The following CA4 variants were observed in gnomAD, a reference collection of about 807,000 sequenced individuals.
CA4 encodes CA-IV.
In CA4, 24 loss-of-function variants were observed where a neutral mutation model predicts 34.5. The ratio of observed to expected loss-of-function variants is 0.70; its 90% CI spans 0.50 to 0.98. The LOEUF (loss-of-function observed/expected upper bound fraction) is 0.98, where lower values mean the gene tolerates loss of function less well. CA4 is among the 50% of genes least tolerant of loss of function. The probability of loss-of-function intolerance (pLI) is 0.00; values close to 1 mark genes in which losing one functional copy is unlikely to be tolerated. For missense variants in CA4, 394 were observed against 396.7 expected (o/e 0.99, Z 0.06); for synonymous variants, 178 against 170.6 (o/e 1.04, Z -0.34).
At chr17:60,170,612 A>G (rs1181939887) in exon 6 of CA4, 1 of 152,186 alleles carries the variant, frequency 6.6e-6, no homozygotes, top group Non-Finnish European at 1.5e-5. Flanking sequence ...ACTCTCCATC[A>G]AGAGGCCTGC....
downstream of CA4, among the ~76,000 whole-genome samples, chr17:60,175,668 CAAA>C (rs150949660): frequency 1.7e-3 from 138 of 81,530 alleles, 1 homozygote; most frequent in African/African-American, 4.8e-3. Flanking sequence ...AACTCCGTCT[CAAA>C]AAAAAAAAAA....
chr17:60,175,189 A>ATTTTTTTTTTTTTTTTTTTTT (rs555031745), downstream of CA4, among the ~76,000 whole-genome samples: 2 of 107,646 alleles, frequency 1.9e-5, no homozygotes, highest in Admixed American at 8.8e-5. Flanking sequence ...CACCCAGCTG[A>ATTTTTTTTTTTTTTTTTTTTT]TTTTTTTTTT....
At position 60,159,440 on chromosome 17, in the gene CA4, C is replaced by A; in HGVS notation, c.*16C>A. On this transcript the variant is annotated 3_prime_UTR_variant, in exon 8 of 8. Transcript: ENST00000300900. ...CCTGCGATGATGGCTCACTTCTGCACGCAGCCTCTCTGTTGCCTCAGCTCT... is the reference window on the plus strand; with the variant it reads ...CCTGCGATGATGGCTCACTTCTGCAAGCAGCCTCTCTGTTGCCTCAGCTCT... The A allele has an allele frequency of 6.2e-7, 1 of 1,608,740 alleles. No homozygotes were observed. The highest frequency in any genetic ancestry group is 1.1e-5 in the South Asian group (1 of 90,686).
At chr17:60,169,774 C>A (rs1318578311) in intron 5 of CA4, among the ~76,000 whole-genome samples, 1 of 152,228 alleles carries the variant, frequency 6.6e-6, no homozygotes, top group East Asian at 1.9e-4. Context: ...CAGGCGTGAG[C>A]CACTGCCCCC....
At chr17:60,173,558 A>G (rs1567739400), downstream of CA4, among the ~76,000 whole-genome samples, 1 of 152,336 alleles carries the variant, frequency 6.6e-6, no homozygotes, top group South Asian at 2.1e-4. Context: ...TCAGCACTTC[A>G]TCAGAGGCAA....
downstream of CA4, among the ~76,000 whole-genome samples, chr17:60,161,794 GT>G: frequency 6.6e-6 from 1 of 152,128 alleles, no homozygotes; most frequent in Non-Finnish European, 1.5e-5. Context: ...CAGGCCGCCT[GT>G]CAGCGGGGGG....
At chr17:60,177,042 A>G in the CA4 span, among the ~76,000 whole-genome samples, 30,384 of 152,208 alleles carry the variant, frequency 0.2, 7,353 homozygotes, top group African/African-American at 0.58. Context: ...AACAGGCCAC[A>G]GATGGTACTG....
Position 60,159,309 on chromosome 17 carries a change from A to T in CA4, c.824A>T (p.Gln275Leu). ...SMKDNVRPLQ[Q>L]LGQRTVIKSG... ...AAGGACAATGTCAGGCCCCTGCAGCAGCTGGGGCAGCGCACGGTGATAAAG... is the reference window on the plus strand; with the variant it reads ...AAGGACAATGTCAGGCCCCTGCAGCTGCTGGGGCAGCGCACGGTGATAAAG... Residue 275 changes from glutamine (Q) to leucine (L), a missense_variant, in exon 8 of 8, where the codon CAG (glutamine) becomes CTG (leucine). By Grantham distance (113) the Gln-to-Leu change is moderately radical. Transcript: ENST00000300900. The T allele has an allele frequency of 3.1e-6, 5 of 1,609,922 alleles. No individual in the cohort carries two copies. The highest frequency in any genetic ancestry group is 2.7e-5 in the African/African-American group (2 of 74,954).
At chr17:60,155,424 C>G (rs574188723) in intron 2 of CA4, 57 bp downstream of exon 2, 3 of 1,412,000 alleles carry the variant, frequency 2.1e-6, no homozygotes, top group Non-Finnish European at 3.0e-6. Flanking sequence ...CCACGCAAGC[C>G]GAAATGGAGA....
chr17:60,162,226 G>C (rs1274192145), downstream of CA4, among the ~76,000 whole-genome samples: 1 of 152,124 alleles, frequency 6.6e-6, no homozygotes, highest in Non-Finnish European at 1.5e-5. Context: ...CAGCAGAAGT[G>C]GGCAGCTCAC....
chr17:60,160,927 A>G (rs1305974289), downstream of CA4, among the ~76,000 whole-genome samples: 1 of 145,086 alleles, frequency 6.9e-6, no homozygotes, highest in African/African-American at 2.6e-5. Flanking sequence ...GGGAGGGAGG[A>G]AGCAGGGGGA....
downstream of CA4, among the ~76,000 whole-genome samples, chr17:60,175,819 A>ATT (rs759618128): frequency 8.4e-4 from 116 of 138,394 alleles, no homozygotes; most frequent in African/African-American, 3.0e-3. Flanking sequence ...CATTTTATAC[A>ATT]TTTTTTTTTT....
At chr17:60,155,944 T>C (rs934582415) in intron 2 of CA4, among the ~76,000 whole-genome samples, 6 of 152,182 alleles carry the variant, frequency 3.9e-5, no homozygotes, top group Admixed American at 2.0e-4. Flanking sequence ...CCAATTCGAA[T>C]GCAAACCCTG....
intron 5 of CA4, among the ~76,000 whole-genome samples, chr17:60,165,705 TC>T (rs1445491868): frequency 1.3e-5 from 2 of 151,866 alleles, no homozygotes; most frequent in Non-Finnish European, 2.9e-5. Flanking sequence ...TGCTGCAGGC[TC>T]CCCCAGCACA....
At chr17:60,165,000 C>T (rs1462016327) in intron 5 of CA4, among the ~76,000 whole-genome samples, 1 of 152,168 alleles carries the variant, frequency 6.6e-6, no homozygotes, top group Non-Finnish European at 1.5e-5. Flanking sequence ...GTGATGACAG[C>T]ATTTACCTCA....
In CA4 at chr17:60,156,636, G is replaced by T. The variant is rs1303348101; in HGVS notation, c.189G>T (p.Val63=). 1 of 1,614,042 alleles carries T rather than the reference G, an allele frequency of 6.2e-7. No individual in the cohort carries two copies. The highest frequency in any genetic ancestry group is 8.5e-7 in the Non-Finnish European group (1 of 1,179,892). ...ACATCGTCACCACCAAGGCAAAGGTGGACAAAAAACTGGGACGCTTCTTCT... is the reference window on the plus strand; with the variant it reads ...ACATCGTCACCACCAAGGCAAAGGTTGACAAAAAACTGGGACGCTTCTTCT... ...PINIVTTKAK[V]DKKLGRFFFS... The change falls in exon 3 of 8, where the codon GTG becomes GTT. Residue 63 remains valine (V), a synonymous_variant. Coordinates refer to ENST00000300900, the MANE Select transcript of CA4 (RefSeq NM_000717.5).
intron 5 of CA4, among the ~76,000 whole-genome samples, chr17:60,169,112 T>A (rs1030042030): frequency 6.6e-6 from 1 of 151,942 alleles, no homozygotes; most frequent in Non-Finnish European, 1.5e-5. Context: ...CCGGGCATGG[T>A]GGTGCATGCC....
At chr17:60,162,830 C>T (rs998344878), downstream of CA4, among the ~76,000 whole-genome samples, 4 of 152,130 alleles carry the variant, frequency 2.6e-5, no homozygotes, top group Non-Finnish European at 5.9e-5. Flanking sequence ...GGGCACTTGT[C>T]AGAACCTGGG....
chr17:60,164,148 C>T (rs1484284311), downstream of CA4, among the ~76,000 whole-genome samples: 3 of 129,230 alleles, frequency 2.3e-5, no homozygotes, highest in African/African-American at 6.3e-5. Flanking sequence ...CTTCCTTCCT[C>T]CCTCCCTCCC....
Sources: allele counts gnomAD v4.1 joint callset (sites outside exome capture counted in the v4.1 genomes callset), GRCh38; gene constraint gnomAD v4.1.1; transcripts MANE v1.5; gene names NCBI Gene and HGNC (gene_info 2026-07-23, HGNC 2026-07-21).